Variants in LDLRAD4 observed in about 807,000 individuals in gnomAD.
LDLRAD4 encodes low density lipoprotein receptor class A domain containing 4.
LDLRAD4 carries 5 observed loss-of-function variants against 17.0 expected under a neutral mutation model. The observed-to-expected ratio is 0.29, with a 90% confidence interval of 0.15 to 0.62. The LOEUF (loss-of-function observed/expected upper bound fraction) is 0.62, where lower values mean the gene tolerates loss of function less well. LDLRAD4 is among the 20% of genes least tolerant of loss of function. LDLRAD4 has a pLI of 0.84. For synonymous variants in LDLRAD4, 168 were observed against 171.8 expected (o/e 0.98, Z 0.17); for missense variants, 340 against 424.7 (o/e 0.80, Z 1.75).
At position 13,468,070 on chromosome 18, in the gene LDLRAD4, G is replaced by A. The variant is rs79539549; in HGVS notation, c.181+29686G>A. ...CATAGGGGTAAGTTTTCATGATGTT[G>A]GATATGGCAGTGGATTCTTAGCTAT... is the stretch of plus-strand genomic sequence containing the variant. On this transcript the variant is annotated intron_variant, in intron 3 of 5. Transcript: ENST00000359446. Among the ~76,000 whole-genome samples, 1,044 of 152,072 alleles carry A rather than the reference G, an allele frequency of 6.9e-3. 16 individuals are homozygous for A. The highest frequency in any genetic ancestry group is 0.024 in the African/African-American group (983 of 41,454).
chr18:13,392,673 C>T (rs1231527139), intron 2 of LDLRAD4, among the ~76,000 whole-genome samples: 1 of 152,198 alleles, frequency 6.6e-6, no homozygotes, highest in African/African-American at 2.4e-5. Context: ...TCTGCCTCTT[C>T]CCGGCCCATG....
chr18:13,599,748 C>T (rs1474586070), intron 3 of LDLRAD4, among the ~76,000 whole-genome samples: 2 of 152,142 alleles, frequency 1.3e-5, no homozygotes, highest in Non-Finnish European at 2.9e-5. Flanking sequence ...GTCTTGGCCT[C>T]CCATAGTGCT....
chr18:13,578,459 G>T (rs746310506), intron 3 of LDLRAD4, among the ~76,000 whole-genome samples: 1 of 152,122 alleles, frequency 6.6e-6, no homozygotes, highest in East Asian at 1.9e-4. Flanking sequence ...CATTGTCATC[G>T]GAACCACCTT....
intron 1 of LDLRAD4, among the ~76,000 whole-genome samples, chr18:13,378,619 G>C (rs1416311468): frequency 6.6e-6 from 1 of 152,016 alleles, no homozygotes; most frequent in Non-Finnish European, 1.5e-5. Context: ...ATGAAAAAAA[G>C]CCAATCAAAT....
At chr18:13,365,213 G>C (rs143900192) in intron 1 of LDLRAD4, among the ~76,000 whole-genome samples, 2 of 152,198 alleles carry the variant, frequency 1.3e-5, no homozygotes, top group Non-Finnish European at 2.9e-5. Flanking sequence ...TACACCGTCC[G>C]TGCTTCCAGC....
intron 1 of LDLRAD4, among the ~76,000 whole-genome samples, chr18:13,351,541 G>A (rs187059658): frequency 1.3e-5 from 2 of 152,156 alleles, no homozygotes; most frequent in African/African-American, 2.4e-5. Flanking sequence ...GAGATGATGA[G>A]GTTTTCTAAA....
At chr18:13,270,232 G>T (rs1177434387) in intron 1 of LDLRAD4, among the ~76,000 whole-genome samples, 1 of 152,068 alleles carries the variant, frequency 6.6e-6, no homozygotes, top group African/African-American at 2.4e-5. Context: ...GCCTGGTGGC[G>T]TGCCTACCTG....
intron 3 of LDLRAD4, among the ~76,000 whole-genome samples, chr18:13,606,631 T>C (rs1465231660): frequency 6.6e-6 from 1 of 152,244 alleles, no homozygotes; most frequent in African/African-American, 2.4e-5. Flanking sequence ...TGTTATAGAC[T>C]AATGTCCACA....
At position 13,327,651 on chromosome 18, in the gene LDLRAD4, G is replaced by T. The variant is rs908375542; in HGVS notation, c.-383+49463G>T. On this transcript the variant is annotated intron_variant, in intron 1 of 5. Transcript: ENST00000359446. ...TGATGGCCTAGCAGGATGAAACAAA[G>T]TTTGTTTCTAAAGATAGAGGGACAT... Among the ~76,000 whole-genome samples the T allele has an allele frequency of 2.4e-4, 37 of 152,058 alleles. 1 individual carries two copies. Among genetic ancestry groups the T allele is most frequent in the Non-Finnish European group, 4.4e-5 (3 of 68,008 alleles).
At chr18:13,327,353 C>G (rs1031754499) in intron 1 of LDLRAD4, among the ~76,000 whole-genome samples, 3 of 151,748 alleles carry the variant, frequency 2.0e-5, no homozygotes, top group African/African-American at 7.3e-5. Flanking sequence ...CATGGGGCCT[C>G]GAAATTAAGG....
At chr18:13,410,378 G>A (rs2088223362) in intron 2 of LDLRAD4, among the ~76,000 whole-genome samples, 1 of 152,214 alleles carries the variant, frequency 6.6e-6, no homozygotes, top group African/African-American at 2.4e-5. Flanking sequence ...TAGTTTTGAT[G>A]ATTGCACTGC....
intron 1 of LDLRAD4, among the ~76,000 whole-genome samples, chr18:13,231,071 G>A (rs992295691): frequency 6.6e-6 from 1 of 152,208 alleles, no homozygotes; most frequent in African/African-American, 2.4e-5. Flanking sequence ...CATTCCTGAT[G>A]TCCAGGGTGC....
chr18:13,505,304 ACT>A (rs1474565165), intron 3 of LDLRAD4, among the ~76,000 whole-genome samples: 9 of 152,040 alleles, frequency 5.9e-5, no homozygotes. Flanking sequence ...AATGCTCACG[ACT>A]CTCACTTTGC....
chr18:13,527,248 C>T (rs1568299750), intron 3 of LDLRAD4, among the ~76,000 whole-genome samples: 2 of 152,242 alleles, frequency 1.3e-5, no homozygotes, highest in African/African-American at 4.8e-5. Flanking sequence ...TCATGACAAC[C>T]GTCACAGATC....
At chr18:13,265,733 C>T (rs924116518) in intron 1 of LDLRAD4, among the ~76,000 whole-genome samples, 8 of 152,128 alleles carry the variant, frequency 5.3e-5, no homozygotes, top group African/African-American at 1.9e-4. Flanking sequence ...GCTTCGTTGG[C>T]CATGGGTCCT....
chr18:13,492,341 G>A (rs1206637721), intron 3 of LDLRAD4, among the ~76,000 whole-genome samples: 4 of 152,218 alleles, frequency 2.6e-5, no homozygotes, highest in Admixed American at 6.5e-5. Flanking sequence ...TTCTGGTTCC[G>A]AGTTGCCTCT....
At chr18:13,218,146 C>A (rs912549538), upstream of LDLRAD4, 1 of 152,394 alleles carries the variant, frequency 6.6e-6, no homozygotes, top group Non-Finnish European at 1.5e-5. Context: ...GGCCCAAGTT[C>A]ACCGCTGCGC....
intron 3 of LDLRAD4, among the ~76,000 whole-genome samples, chr18:13,476,583 C>G (rs1478693126): frequency 6.6e-6 from 1 of 151,134 alleles, no homozygotes; most frequent in Non-Finnish European, 1.5e-5. Context: ...ATGATTACAC[C>G]ACTGTACTCC....
At chr18:13,262,009 C>G (rs1385343577) in intron 1 of LDLRAD4, among the ~76,000 whole-genome samples, 1 of 144,704 alleles carries the variant, frequency 6.9e-6, no homozygotes, top group Non-Finnish European at 1.5e-5. Flanking sequence ...GGGCTCTGTG[C>G]GTGGGGGCTG....
Sources: allele counts gnomAD v4.1 joint callset (sites outside exome capture counted in the v4.1 genomes callset), GRCh38; gene constraint gnomAD v4.1.1; transcripts MANE v1.5; gene names NCBI Gene and HGNC (gene_info 2026-07-23, HGNC 2026-07-21).